The following BTNL8 variants were observed in gnomAD, a reference collection of about 807,000 sequenced individuals.
BTNL8 encodes butyrophilin like 8.
Under a neutral mutation model 36.1 loss-of-function variants are expected in BTNL8, and 22 were observed. That is an observed-to-expected ratio of 0.61 (90% CI 0.44 to 0.87). BTNL8 has a LOEUF of 0.87. Among genes scored for constraint, BTNL8 ranks in the 40% least tolerant of loss-of-function variants. The pLI, the probability that BTNL8 is intolerant of heterozygous loss-of-function variation, is 0.00. For missense variants in BTNL8, 526 were observed against 616.9 expected, an observed-to-expected ratio of 0.85 and a Z score of 1.56; for synonymous variants, 203 against 235.6, an observed-to-expected ratio of 0.86 and a Z score of 1.27.
At chr5:180,938,824 A>G (rs959594067) in intron 3 of BTNL8, among the ~76,000 whole-genome samples, 4 of 152,280 alleles carry the variant, frequency 2.6e-5, no homozygotes, top group Middle Eastern at 3.4e-3. Context: ...AAGTGCTGGA[A>G]GGGAAAAAAA....
intron 3 of BTNL8, among the ~76,000 whole-genome samples, chr5:180,937,710 C>A (rs1287755940): frequency 6.6e-6 from 1 of 151,940 alleles, no homozygotes; most frequent in Non-Finnish European, 1.5e-5. Flanking sequence ...AATGTAGGAA[C>A]CCAAGAAACA....
chr5:180,908,812 T>G lies in BTNL8; in HGVS notation c.276T>G (p.Ile92Met), dbSNP rs1418828097. ...GGACAAAACTGGTGAAGGATTCTAT[T>G]GCGGAGGGGCGCATCTCTCTGAGGC... is the stretch of plus-strand genomic sequence containing the variant. Reference protein sequence around the residue: ...QGRTKLVKDSIAEGRISLRLE... With the variant: ...QGRTKLVKDSMAEGRISLRLE... The change falls in exon 2 of 8, where the codon ATT (isoleucine) becomes ATG (methionine). Residue 92 changes from isoleucine (I) to methionine (M), a missense_variant. Ile to Met is a conservative substitution (Grantham distance 10). This residue lies in a region of BTNL8 where 350 missense variants were observed against 324.6 expected (regional missense o/e 1.08). Transcript: ENST00000340184. The G allele has an allele frequency of 6.2e-7, 1 of 1,614,184 alleles. No individual in the cohort carries two copies. The highest frequency in any genetic ancestry group is 8.5e-7 in the Non-Finnish European group (1 of 1,180,024).
intron 3 of BTNL8, among the ~76,000 whole-genome samples, chr5:180,936,667 C>T (rs1029022499): frequency 2.6e-5 from 4 of 152,108 alleles, no homozygotes; most frequent in African/African-American, 4.8e-5. Context: ...GCAGAGCTGC[C>T]GCTTGCCGTA....
intron 3 of BTNL8, among the ~76,000 whole-genome samples, chr5:180,922,220 T>C (rs1241199332): frequency 6.6e-6 from 1 of 152,120 alleles, no homozygotes; most frequent in Non-Finnish European, 1.5e-5. Context: ...TTGTTATGTC[T>C]TATCTTCTGC....
intron 4 of BTNL8, chr5:180,947,880 G>A (rs1759352982): frequency 6.0e-6 from 8 of 1,336,038 alleles, no homozygotes; most frequent in South Asian, 4.4e-5. Flanking sequence ...CCTATAGAGA[G>A]AGCTTGGATA....
chr5:180,948,866 C>T (rs1338291572), intron 5 of BTNL8, 54 bp from the exon 6 acceptor site: 3 of 593,004 alleles, frequency 5.1e-6, no homozygotes, highest in Non-Finnish European at 8.4e-6. Flanking sequence ...CCTGGGCCCC[C>T]GCTCTGTGAC....
At chr5:180,905,506 T>A (rs1412394231) in intron 1 of BTNL8, among the ~76,000 whole-genome samples, 1 of 94,946 alleles carries the variant, frequency 1.1e-5, no homozygotes, top group Non-Finnish European at 2.0e-5. Flanking sequence ...TTTTGAAGGG[T>A]TTTTTGTGTC....
chr5:180,924,185 A>G (rs1757993792), intron 3 of BTNL8, among the ~76,000 whole-genome samples: 1 of 152,188 alleles, frequency 6.6e-6, no homozygotes, highest in Admixed American at 6.5e-5. Flanking sequence ...TAGGAAGACA[A>G]TAGCAGCTCT....
At chr5:180,932,386 G>A (rs574547862) in intron 3 of BTNL8, among the ~76,000 whole-genome samples, 54 of 152,198 alleles carry the variant, frequency 3.5e-4, no homozygotes, top group African/African-American at 6.7e-4. Flanking sequence ...TTGCTCTGTC[G>A]CCCAGGCTGG....
chr5:180,916,055 G>T (rs1171146558), intron 3 of BTNL8, among the ~76,000 whole-genome samples: 1 of 152,188 alleles, frequency 6.6e-6, no homozygotes, highest in South Asian at 2.1e-4. Flanking sequence ...AGATCAAGGG[G>T]TCACATCCTG....
At chr5:180,946,951 T>A (rs1443812789) in intron 3 of BTNL8, among the ~76,000 whole-genome samples, 1 of 152,170 alleles carries the variant, frequency 6.6e-6, no homozygotes, top group East Asian at 1.9e-4. Flanking sequence ...TGCAAATATT[T>A]TAAGACATCA....
intron 3 of BTNL8, among the ~76,000 whole-genome samples, chr5:180,941,847 T>C (rs1342820021): frequency 9.7e-6 from 1 of 103,360 alleles, no homozygotes; most frequent in African/African-American, 4.5e-5. Context: ...TCATACAGAA[T>C]GGGGAAAAGT....
chr5:180,913,688 T>C (rs1241411674), intron 3 of BTNL8, among the ~76,000 whole-genome samples: 1 of 152,170 alleles, frequency 6.6e-6, no homozygotes, highest in Non-Finnish European at 1.5e-5. Context: ...TGGATCAAAA[T>C]GTGGCCCACA....
At chr5:180,920,476 T>C (rs751233198) in intron 3 of BTNL8, among the ~76,000 whole-genome samples, 21 of 151,974 alleles carry the variant, frequency 1.4e-4, no homozygotes, top group Non-Finnish European at 2.5e-4. Flanking sequence ...ACAAAAGGCC[T>C]TAAACTATAA....
intron 1 of BTNL8, among the ~76,000 whole-genome samples, chr5:180,908,166 C>G (rs1757189757): frequency 6.6e-6 from 1 of 152,204 alleles, no homozygotes; most frequent in Non-Finnish European, 1.5e-5. Context: ...CAGCGAGACT[C>G]TGTGGTCATA....
At chr5:180,919,594 G>C (rs1757779943) in intron 3 of BTNL8, among the ~76,000 whole-genome samples, 2 of 152,284 alleles carry the variant, frequency 1.3e-5, no homozygotes, top group Non-Finnish European at 2.9e-5. Context: ...AACCAAATCA[G>C]AAAGGAAGAA....
intron 3 of BTNL8, among the ~76,000 whole-genome samples, chr5:180,927,003 C>G (rs62406722): frequency 3.3e-5 from 5 of 152,198 alleles, no homozygotes; most frequent in Non-Finnish European, 5.9e-5. Flanking sequence ...CAAGTGGGTC[C>G]CTGACCCCTG....
intron 1 of BTNL8, among the ~76,000 whole-genome samples, chr5:180,900,360 A>G (rs1157640953): frequency 1.3e-5 from 2 of 152,238 alleles, no homozygotes; most frequent in African/African-American, 2.4e-5. Context: ...AGATACGATC[A>G]CATTCCTGCT....
At chr5:180,929,720 T>C (rs1758280326) in intron 3 of BTNL8, among the ~76,000 whole-genome samples, 1 of 152,064 alleles carries the variant, frequency 6.6e-6, no homozygotes, top group African/African-American at 2.4e-5. Context: ...CTAGAAGAAA[T>C]GGATAAATTC....
Sources: allele counts gnomAD v4.1 joint callset (sites outside exome capture counted in the v4.1 genomes callset), GRCh38; gene constraint gnomAD v4.1.1; regional missense constraint gnomAD v4.1.1; transcripts MANE v1.5; gene names NCBI Gene and HGNC (gene_info 2026-07-23, HGNC 2026-07-21).